Variants in DIP2C observed in about 807,000 individuals in gnomAD.
DIP2C encodes the protein DIP2 acetate--CoA ligase C (putative).
In DIP2C, 33 loss-of-function variants were observed where a neutral mutation model predicts 192.4. That is an observed-to-expected ratio of 0.17 (90% CI 0.13 to 0.23). The LOEUF is 0.23. Ranked by LOEUF, DIP2C falls within the 10% of genes least tolerant of loss-of-function variation. The pLI is 1.00. For synonymous variants in DIP2C, 979 were observed against 864.1 expected (o/e 1.13, Z -2.33); for missense variants, 1,537 against 2,110.1 (o/e 0.73, Z 5.32).
Position 363,333 on chromosome 10 carries a change from G to A in DIP2C, c.2478-22C>T, listed in dbSNP as rs760901663. 19 of 1,604,740 alleles carry A rather than the reference G, an allele frequency of 1.2e-5. No homozygotes were observed. The highest frequency in any genetic ancestry group is 1.6e-5 in the Non-Finnish European group (19 of 1,176,780). ...TATCCTGCGGGGACACAGGAGCATG[G>A]TGAGCACGCGCCGGGGACGCTCATG... On this transcript the variant is annotated intron_variant, in intron 20 of 36. Coordinates refer to ENST00000280886, the MANE Select transcript of DIP2C (RefSeq NM_014974.3). The surrounding 1 kb of genome is among the most constrained non-coding windows in gnomAD (Gnocchi z 5.4).
At chr10:408,488 A>G (rs1206576639) in intron 9 of DIP2C, among the ~76,000 whole-genome samples, 1 of 152,244 alleles carries the variant, frequency 6.6e-6, no homozygotes, top group African/African-American at 2.4e-5. Context: ...TGCCCACAGC[A>G]GACTCATGCC....
At chr10:373,012 C>A (rs1480589294) in intron 17 of DIP2C, among the ~76,000 whole-genome samples, 5 of 152,232 alleles carry the variant, frequency 3.3e-5, no homozygotes, top group African/African-American at 4.8e-5. Context: ...TTAAAACTCA[C>A]CATAAGCCTA....
intron 1 of DIP2C, among the ~76,000 whole-genome samples, chr10:588,372 C>G (rs1851207052): frequency 6.6e-6 from 1 of 152,224 alleles, no homozygotes; most frequent in African/African-American, 2.4e-5. Context: ...CAGTGCTGCT[C>G]AAATCTTGTC....
At chr10:528,935 C>T (rs1030134639) in intron 1 of DIP2C, among the ~76,000 whole-genome samples, 2 of 152,220 alleles carry the variant, frequency 1.3e-5, no homozygotes, top group Non-Finnish European at 2.9e-5. Context: ...CAAGAAACAA[C>T]AGGAACGAGA....
intron 1 of DIP2C, among the ~76,000 whole-genome samples, chr10:495,341 A>C (rs1232185022): frequency 6.6e-6 from 1 of 152,198 alleles, no homozygotes; most frequent in African/African-American, 2.4e-5. Flanking sequence ...ATCTGCCTGA[A>C]ATTCAGTTAA....
chr10:673,061 G>A (rs531638501), intron 1 of DIP2C, among the ~76,000 whole-genome samples: 11 of 152,182 alleles, frequency 7.2e-5, no homozygotes, highest in Admixed American at 1.3e-4. Context: ...AACCAAGGGG[G>A]ATGGAATGAG....
chr10:526,414 C>T (rs189657485), intron 1 of DIP2C, among the ~76,000 whole-genome samples: 1 of 152,034 alleles, frequency 6.6e-6, no homozygotes, highest in Admixed American at 6.5e-5. Context: ...TAGGTTCATA[C>T]CACTGTAGAG....
At chr10:492,241 C>G (rs1469647531) in intron 1 of DIP2C, among the ~76,000 whole-genome samples, 2 of 152,204 alleles carry the variant, frequency 1.3e-5, no homozygotes, top group African/African-American at 2.4e-5. Flanking sequence ...TGGTGAGCCT[C>G]TCTCCCCAAA....
At position 363,149 on chromosome 10, in the gene DIP2C, C is replaced by T. The variant is rs1959738179; in HGVS notation, c.2592+48G>A. 1 of 1,542,392 alleles carries T rather than the reference C, an allele frequency of 6.5e-7. No individual in the cohort carries two copies. The highest frequency in any genetic ancestry group is 1.7e-4 in the Middle Eastern group (1 of 5,814). On this transcript the variant is annotated intron_variant, in intron 21 of 36. Transcript: ENST00000280886. This position sits in a 1 kb window ranked among gnomAD's most constrained non-coding sequence, Gnocchi z 5.4. Reference sequence around the variant, plus strand: ...CCATGATCTGAATGAAGTAAGGAGGCCAGAAACAAGACACAGGGGACCAGT... The same window carrying T: ...CCATGATCTGAATGAAGTAAGGAGGTCAGAAACAAGACACAGGGGACCAGT...
intron 29 of DIP2C, among the ~76,000 whole-genome samples, chr10:340,354 A>T (rs1258047243): frequency 2.0e-5 from 3 of 151,312 alleles, no homozygotes; most frequent in Admixed American, 6.6e-5. Flanking sequence ...ATACCCATTT[A>T]AAAAAAAAGG....
chr10:562,509 C>T (rs956074885), intron 1 of DIP2C, among the ~76,000 whole-genome samples: 7 of 152,312 alleles, frequency 4.6e-5, no homozygotes, highest in Non-Finnish European at 7.3e-5. Flanking sequence ...ACGAAATAGA[C>T]GAAATTCCAA....
At chr10:429,280 G>C (rs1364773947) in intron 4 of DIP2C, among the ~76,000 whole-genome samples, 1 of 2,216 alleles carries the variant, frequency 4.5e-4, no homozygotes, top group African/African-American at 6.3e-3. Flanking sequence ...CTCCCCCCCG[G>C]ACCCTGGCTG....
chr10:376,364 G>C (rs992398819), intron 17 of DIP2C, among the ~76,000 whole-genome samples: 4 of 152,170 alleles, frequency 2.6e-5, no homozygotes, highest in African/African-American at 9.7e-5. Flanking sequence ...CACAGAGCAA[G>C]AATGAGGTGG....
chr10:500,823 G>A (rs1845176277), intron 1 of DIP2C, among the ~76,000 whole-genome samples: 1 of 152,188 alleles, frequency 6.6e-6, no homozygotes, highest in South Asian at 2.1e-4. Context: ...GAATGACTGC[G>A]ATGTCTCCCC....
chr10:336,578 C>CA (rs1193141702), intron 29 of DIP2C, among the ~76,000 whole-genome samples: 1 of 152,208 alleles, frequency 6.6e-6, no homozygotes, highest in Non-Finnish European at 1.5e-5. Context: ...ACCATGATGA[C>CA]AAACAACTGT....
chr10:315,120 T>C (rs771629312), intron 31 of DIP2C, among the ~76,000 whole-genome samples: 2 of 152,234 alleles, frequency 1.3e-5, no homozygotes, highest in African/African-American at 4.8e-5. Context: ...TGTTATGTGC[T>C]ATGAAAATGA....
chr10:596,531 T>TA (rs1288442825), intron 1 of DIP2C, among the ~76,000 whole-genome samples: 1 of 137,332 alleles, frequency 7.3e-6, no homozygotes, highest in African/African-American at 2.8e-5. Flanking sequence ...AAAAAAGTAT[T>TA]AAGTTTTCCT....
chr10:571,688 G>A (rs1285082996), intron 1 of DIP2C, among the ~76,000 whole-genome samples: 1 of 152,210 alleles, frequency 6.6e-6, no homozygotes, highest in Non-Finnish European at 1.5e-5. Context: ...CCATCTGGAT[G>A]CCACCTCATG....
In DIP2C at chr10:645,768, TG is replaced by T. The variant is rs531947887; in HGVS notation, c.85+43725del. 2.1e-3 allele frequency among the ~76,000 whole-genome samples: 326 copies of T among 152,000 alleles called. 1 individual carries two copies. Among genetic ancestry groups the T allele is most frequent in the Middle Eastern group, 6.8e-3 (2 of 294 alleles). On this transcript the variant is annotated intron_variant, in intron 1 of 36. Transcript: ENST00000280886. ...TATGTTGATAACGTTTATCTCTGAA[TG>T]GGGGGGGCTATTTTGCCTATTTCCC...
Sources: allele counts gnomAD v4.1 joint callset (sites outside exome capture counted in the v4.1 genomes callset), GRCh38; gene constraint gnomAD v4.1.1; non-coding constraint Gnocchi (gnomAD v3.1); transcripts MANE v1.5; gene names NCBI Gene and HGNC (gene_info 2026-07-23, HGNC 2026-07-21).